The following CBLB variants were observed in gnomAD, a reference collection of about 807,000 sequenced individuals.
The protein encoded by CBLB is Cbl proto-oncogene B.
CBLB carries 31 observed loss-of-function variants against 104.9 expected under a neutral mutation model. The observed-to-expected ratio is 0.30, with a 90% CI of 0.22 to 0.40. CBLB has a LOEUF of 0.40. Among genes scored for constraint, CBLB ranks in the 10% least tolerant of loss-of-function variants. The probability of loss-of-function intolerance (pLI) is 1.00; values close to 1 mark genes in which losing one functional copy is unlikely to be tolerated. For missense variants in CBLB, 1,062 were observed against 1,214.6 expected, an observed-to-expected ratio of 0.87 and a Z score of 1.87; for synonymous variants, 440 against 422.6, an observed-to-expected ratio of 1.04 and a Z score of -0.51.
chr3:105,824,324 G>A (rs551421980), intron 3 of CBLB: 1 of 152,252 alleles, frequency 6.6e-6, no homozygotes, highest in African/African-American at 2.4e-5. Context: ...TACTATTGGT[G>A]GAGACTGTTA....
At chr3:105,858,436 A>T (rs561874170) in intron 2 of CBLB, among the ~76,000 whole-genome samples, 1 of 152,340 alleles carries the variant, frequency 6.6e-6, no homozygotes, top group Non-Finnish European at 1.5e-5. Flanking sequence ...GCTCACCACC[A>T]GGGTCAAGTT....
At chr3:105,795,960 G>A (rs915430079) in intron 3 of CBLB, among the ~76,000 whole-genome samples, 1 of 151,914 alleles carries the variant, frequency 6.6e-6, no homozygotes, top group African/African-American at 2.4e-5. Context: ...CTGACCTTGT[G>A]ATCCACCCAC....
chr3:105,837,331 T>C (rs889758940), intron 3 of CBLB, among the ~76,000 whole-genome samples: 2 of 152,226 alleles, frequency 1.3e-5, no homozygotes, highest in Non-Finnish European at 2.9e-5. Flanking sequence ...GTCGAAAGCA[T>C]AGATTTTTGG....
chr3:105,799,933 A>G (rs1309028577), intron 3 of CBLB, among the ~76,000 whole-genome samples: 1 of 152,210 alleles, frequency 6.6e-6, no homozygotes, highest in Non-Finnish European at 1.5e-5. Context: ...TATTAAAATA[A>G]ATAAAATAAA....
intron 5 of CBLB, among the ~76,000 whole-genome samples, chr3:105,746,884 T>C: frequency 6.6e-6 from 1 of 152,216 alleles, no homozygotes; most frequent in East Asian, 1.9e-4. Context: ...CCAGGGATAA[T>C]TGTCATTGAA....
At chr3:105,749,834 C>A in intron 5 of CBLB, 1 of 208,678 alleles carries the variant, frequency 4.8e-6, no homozygotes, top group Non-Finnish European at 1.0e-5. Flanking sequence ...TAAAATATAT[C>A]TTAAAATCTT....
chr3:105,837,939 T>C (rs1370666190), intron 3 of CBLB, among the ~76,000 whole-genome samples: 8 of 152,102 alleles, frequency 5.3e-5, no homozygotes, highest in African/African-American at 1.9e-4. Context: ...TAGGAATACA[T>C]CAGGATTTTC....
Position 105,658,963 on chromosome 3 carries a change from C to G in CBLB, c.*7G>C, listed in dbSNP as rs1320738560. On this transcript the variant is annotated 3_prime_UTR_variant, in exon 19 of 19. Coordinates refer to ENST00000394030, the MANE Select transcript of CBLB (RefSeq NM_170662.5). ...GCTTTCCATTTTGGTGTCTACAGTT[C>G]TGGCTGCTATAGATTTAGACGTGGG... 2 of 1,613,668 alleles carry G rather than the reference C, an allele frequency of 1.2e-6. No homozygotes were observed. Among genetic ancestry groups the G allele is most frequent in the East Asian group, 2.2e-5 (1 of 44,862 alleles).
At chr3:105,665,408 A>ATATAT (rs1553700056) in intron 18 of CBLB, among the ~76,000 whole-genome samples, 1,314 of 50,476 alleles carry the variant, frequency 0.026, 11 homozygotes, top group South Asian at 0.049. Flanking sequence ...TAAATAAATA[A>ATATAT]ATAAATAAAT....
intron 11 of CBLB, among the ~76,000 whole-genome samples, chr3:105,703,772 C>A (rs2069622822): frequency 6.6e-6 from 1 of 152,118 alleles, no homozygotes; most frequent in Non-Finnish European, 1.5e-5. Flanking sequence ...AATCATGGGG[C>A]TACAGACATA....
At chr3:105,822,286 G>A (rs1343711315) in intron 3 of CBLB, among the ~76,000 whole-genome samples, 1 of 152,160 alleles carries the variant, frequency 6.6e-6, no homozygotes, top group Non-Finnish European at 1.5e-5. Context: ...CTGGCTGAAT[G>A]TGAAAGAAAT....
At position 105,702,390 on chromosome 3, in the gene CBLB, G is replaced by T. The variant is rs781316145; in HGVS notation, c.1663C>A (p.Pro555Thr). ...PAPPPPLRDPPPPPPERPPPI... is the reference protein window; with the variant it reads ...PAPPPPLRDPTPPPPERPPPI... Reference sequence around the variant, plus strand: ...GGAGGTCTTTCAGGTGGCGGTGGAGGAGGATCTCTTAAGGGAGGAGGTGGT... The same window carrying T: ...GGAGGTCTTTCAGGTGGCGGTGGAGTAGGATCTCTTAAGGGAGGAGGTGGT... Residue 555 changes from proline (P) to threonine (T), a missense_variant, in exon 12 of 19, where the codon CCT becomes ACT. Physicochemically the swap from Pro to Thr is conservative, Grantham distance 38. Transcript: ENST00000394030. 1 of 1,599,734 alleles carries T rather than the reference G, an allele frequency of 6.3e-7. No individual in the cohort carries two copies. Among genetic ancestry groups the T allele is most frequent in the African/African-American group, 1.3e-5 (1 of 74,078 alleles).
chr3:105,788,466 C>A (rs2081276683), intron 3 of CBLB, among the ~76,000 whole-genome samples: 1 of 152,046 alleles, frequency 6.6e-6, no homozygotes, highest in African/African-American at 2.4e-5. Context: ...AAAAAAATCT[C>A]ATAATGTTTT....
chr3:105,867,878 TA>T (rs76716093), intron 1 of CBLB, among the ~76,000 whole-genome samples: 22,464 of 141,168 alleles, frequency 0.16, 1,990 homozygotes, highest in South Asian at 0.31. Flanking sequence ...ACTCAACTCA[TA>T]AAAAAAAAAA....
chr3:105,800,547 T>C (rs1350957505), intron 3 of CBLB, among the ~76,000 whole-genome samples: 1 of 152,166 alleles, frequency 6.6e-6, no homozygotes, highest in Non-Finnish European at 1.5e-5. Flanking sequence ...AGACTCACTG[T>C]CAAGACACGT....
chr3:105,807,441 A>C (rs1351204467), intron 3 of CBLB, among the ~76,000 whole-genome samples: 1 of 152,204 alleles, frequency 6.6e-6, no homozygotes, highest in African/African-American at 2.4e-5. Flanking sequence ...TAGCAATATA[A>C]TCTTGAAAAG....
At position 105,720,118 on chromosome 3, in the gene CBLB, T is replaced by A. The variant is rs772000243; in HGVS notation, c.1336A>T (p.Met446Leu). ...TCATCATCGTCGTCCAAGTCTAGCA[T>A]CGGCATGCCAAAGGGGTCAATGATG... ...CSIIDPFGMP[M>L]LDLDDDDDRE... is the part of the protein sequence containing the mutation. The change falls in exon 10 of 19, where the codon ATG becomes TTG. Residue 446 changes from methionine to leucine, a missense_variant. By Grantham distance (15) the Met-to-Leu change is conservative. Coordinates refer to ENST00000394030, the MANE Select transcript of CBLB (RefSeq NM_170662.5). 1 of 1,614,060 alleles carries A rather than the reference T, an allele frequency of 6.2e-7. No homozygotes were observed. The highest frequency in any genetic ancestry group is 8.5e-7 in the Non-Finnish European group (1 of 1,179,970).
chr3:105,784,699 C>T (rs2080753287), intron 3 of CBLB, among the ~76,000 whole-genome samples: 1 of 152,064 alleles, frequency 6.6e-6, no homozygotes, highest in African/African-American at 2.4e-5. Flanking sequence ...CCAAGTTCTA[C>T]CCCAAACCCA....
intron 10 of CBLB, among the ~76,000 whole-genome samples, chr3:105,711,306 T>C (rs1333533042): frequency 6.7e-6 from 1 of 150,270 alleles, no homozygotes; most frequent in Non-Finnish European, 1.5e-5. Context: ...TCAATGTTTT[T>C]CTATAAATGC....
Sources: gnomAD v4.1 joint callset for allele counts (sites outside exome capture counted in the v4.1 genomes callset) on GRCh38, gnomAD v4.1.1 for gene constraint, MANE v1.5 for transcripts, NCBI Gene and HGNC (gene_info 2026-07-23, HGNC 2026-07-21) for gene names.